FANCC: variants seen among roughly 807,000 people sequenced by gnomAD.
FANCC encodes FA complementation group C, also known as Fanconi anemia group C protein.
Under a neutral mutation model 71.3 loss-of-function variants are expected in FANCC, and 55 were observed. The ratio of observed to expected loss-of-function variants is 0.77; its 90% CI spans 0.62 to 0.97. The LOEUF is 0.97. FANCC is among the 50% of genes least tolerant of loss of function. The pLI is 0.00. For synonymous variants in FANCC, 275 were observed against 244.9 expected (o/e 1.12, Z -1.15); for missense variants, 678 against 670.9 (o/e 1.01, Z -0.12).
intron 6 of FANCC, among the ~76,000 whole-genome samples, chr9:95,154,172 G>A (rs1830330585): frequency 6.7e-6 from 1 of 149,340 alleles, no homozygotes; most frequent in South Asian, 2.1e-4. Context: ...CTTGAATCCA[G>A]GAGGTGGAGA....
intron 4 of FANCC, among the ~76,000 whole-genome samples, chr9:95,239,468 T>C (rs924438580): frequency 3.9e-5 from 6 of 152,230 alleles, no homozygotes; most frequent in African/African-American, 1.4e-4. Context: ...CTTCATTAGA[T>C]GGCCTACTTC....
intron 13 of FANCC, chr9:95,110,263 A>G (rs539369737): frequency 2.2e-5 from 22 of 1,010,098 alleles, no homozygotes; most frequent in Non-Finnish European, 2.1e-5. Flanking sequence ...TTATACTTCA[A>G]AAGTGATTCT....
intron 6 of FANCC, among the ~76,000 whole-genome samples, 184 bp downstream of exon 6, chr9:95,170,895 A>G (rs1825634771): frequency 6.6e-6 from 1 of 152,186 alleles, no homozygotes; most frequent in South Asian, 2.1e-4. Context: ...TTGAGAAAAT[A>G]GTGATTTTTA....
At chr9:95,304,841 G>A (rs1834983176) in intron 1 of FANCC, among the ~76,000 whole-genome samples, 1 of 150,072 alleles carries the variant, frequency 6.7e-6, no homozygotes, top group African/African-American at 2.4e-5. Flanking sequence ...CCTTTATGCT[G>A]ATGGAAATAG....
Position 95,249,380 on chromosome 9 carries a change from G to T in FANCC, c.-78-11C>A. Reference sequence around the variant, plus strand: ...CGGCACACATTAAATCTGTAAGAAAGGGAACAAATAGAAGCATTTCTAAAA... The same window carrying T: ...CGGCACACATTAAATCTGTAAGAAATGGAACAAATAGAAGCATTTCTAAAA... On this transcript the variant is annotated splice_polypyrimidine_tract_variant and intron_variant, in intron 1 of 14. Transcript: ENST00000289081. 7.5e-7 allele frequency: 1 copy of T among 1,325,076 alleles called. No homozygotes were observed. 82.1% of individuals were successfully genotyped at this position (1,325,076 alleles called of 1,614,324 possible). A position where few individuals can be genotyped will look rare whatever the true frequency, so the allele number is the denominator to read the frequency against.
chr9:95,251,224 T>C (rs1335226312), intron 1 of FANCC, among the ~76,000 whole-genome samples: 1 of 152,228 alleles, frequency 6.6e-6, no homozygotes, highest in Non-Finnish European at 1.5e-5. Flanking sequence ...AATTAAGGAA[T>C]GAATAATTCA....
chr9:95,180,339 CTT>C lies in FANCC; in HGVS notation c.346-8194_346-8193del, dbSNP rs34697587. Among the ~76,000 whole-genome samples the C allele has an allele frequency of 2.8e-3, 234 of 82,190 alleles. 1 individual carries two copies. Among genetic ancestry groups the C allele is most frequent in the African/African-American group, 8.6e-3 (185 of 21,500 alleles). The allele number at this position is 82,190 out of a possible 152,430, so 53.9% of individuals were successfully genotyped here. A position where few individuals can be genotyped will look rare whatever the true frequency, so the allele number is the denominator to read the frequency against. On this transcript the variant is annotated intron_variant, in intron 4 of 14. Coordinates refer to ENST00000289081, the MANE Select transcript of FANCC (RefSeq NM_000136.3). ...GCCTAAAGCTGTCTTACAGTTAACT[CTT>C]TTTTTTTTTTTTTTTTTTTTTTTGA...
At chr9:95,241,100 A>G (rs185403182) in intron 3 of FANCC, among the ~76,000 whole-genome samples, 47 of 152,330 alleles carry the variant, frequency 3.1e-4, no homozygotes, top group African/African-American at 1.1e-3. Flanking sequence ...AAGAACTAAG[A>G]GAACTGGGCT....
chr9:95,106,715 G>A (rs559240690), intron 14 of FANCC, among the ~76,000 whole-genome samples: 2 of 152,282 alleles, frequency 1.3e-5, no homozygotes, highest in South Asian at 2.1e-4. Context: ...CATTCTCATC[G>A]TGGCCTTACT....
intron 1 of FANCC, among the ~76,000 whole-genome samples, chr9:95,295,345 CAAAACAAAACAA>C (rs1380273631): frequency 6.6e-6 from 1 of 151,698 alleles, no homozygotes; most frequent in Non-Finnish European, 1.5e-5. Context: ...AGCTCAATAC[CAAAACAAAACAA>C]AAAACAAAAC....
At chr9:95,269,811 C>T (rs1382367492) in intron 1 of FANCC, among the ~76,000 whole-genome samples, 3 of 151,992 alleles carry the variant, frequency 2.0e-5, no homozygotes, top group Non-Finnish European at 2.9e-5. Flanking sequence ...GGGTGTTTCT[C>T]GTAAGGTGGG....
intron 4 of FANCC, among the ~76,000 whole-genome samples, chr9:95,217,379 G>C (rs1828935883): frequency 6.6e-6 from 1 of 151,940 alleles, no homozygotes; most frequent in South Asian, 2.1e-4. Flanking sequence ...CAGCTACTCG[G>C]GAGGCTGAGG....
At chr9:95,115,382 A>G (rs968602797) in intron 11 of FANCC, among the ~76,000 whole-genome samples, 3 of 152,180 alleles carry the variant, frequency 2.0e-5, no homozygotes, top group African/African-American at 7.2e-5. Context: ...TAATGTGTTG[A>G]TTTCAAAATA....
intron 1 of FANCC, among the ~76,000 whole-genome samples, chr9:95,285,089 A>G (rs2136284386): frequency 6.6e-6 from 1 of 152,258 alleles, no homozygotes; most frequent in East Asian, 1.9e-4. Context: ...GTTGCCAAAG[A>G]GAAGGATTGT....
chr9:95,128,335 G>GT (rs1306628691), intron 8 of FANCC, among the ~76,000 whole-genome samples: 1 of 152,222 alleles, frequency 6.6e-6, no homozygotes, highest in East Asian at 1.9e-4. Context: ...GAATAAGAGT[G>GT]TTTAAGATCA....
intron 14 of FANCC, among the ~76,000 whole-genome samples, chr9:95,105,748 G>A (rs571732274): frequency 1.4e-4 from 21 of 152,302 alleles, no homozygotes; most frequent in African/African-American, 5.1e-4. Context: ...CTCGTTTCTG[G>A]CTTATTTCAA....
chr9:95,140,642 C>T (rs1470901281), intron 7 of FANCC, among the ~76,000 whole-genome samples: 1 of 152,156 alleles, frequency 6.6e-6, no homozygotes, highest in Non-Finnish European at 1.5e-5. Context: ...TGGCAACAGT[C>T]CACCTTTTCA....
At chr9:95,257,567 C>A (rs1041468838) in intron 1 of FANCC, among the ~76,000 whole-genome samples, 1 of 152,142 alleles carries the variant, frequency 6.6e-6, no homozygotes, top group African/African-American at 2.4e-5. Context: ...TAAATGCCCA[C>A]AAGAGAAAGC....
At position 95,241,857 on chromosome 9, in the gene FANCC, A is replaced by ACCC. The variant is rs1267180978; in HGVS notation, c.251-1115_251-1114insGGG. 1.1e-4 allele frequency among the ~76,000 whole-genome samples: 17 copies of ACCC among 152,172 alleles called. No individual in the cohort carries two copies. In the East Asian group the frequency reaches 2.5e-3, roughly 23 times the overall value. ...GTATTTTTTGTAGAGACTGGATCTC[A>ACCC]CCATGTCGCCCAGGCTGGTCTCCGA... On this transcript the variant is annotated intron_variant, in intron 3 of 14. Transcript: ENST00000289081.
Sources: allele counts gnomAD v4.1 joint callset (sites outside exome capture counted in the v4.1 genomes callset), GRCh38; gene constraint gnomAD v4.1.1; transcripts MANE v1.5; gene names NCBI Gene and HGNC (gene_info 2026-07-23, HGNC 2026-07-21).